COG2: variants seen among roughly 807,000 people sequenced by gnomAD.
The protein encoded by COG2 is component of oligomeric golgi complex 2, also known as conserved oligomeric Golgi complex subunit 2.
In COG2, 52 loss-of-function variants were observed where a neutral mutation model predicts 90.6. That is an observed-to-expected ratio of 0.57 (90% CI 0.46 to 0.72). The LOEUF (loss-of-function observed/expected upper bound fraction) is 0.72, where lower values mean the gene tolerates loss of function less well. Among genes scored for constraint, COG2 ranks in the 30% least tolerant of loss-of-function variants. COG2 has a pLI of 0.00. For missense variants in COG2, 829 were observed against 891.2 expected, an observed-to-expected ratio of 0.93 and a Z score of 0.89; for synonymous variants, 337 against 320.4, an observed-to-expected ratio of 1.05 and a Z score of -0.55.
At chr1:230,667,091 A>G (rs754999507) in intron 5 of COG2, among the ~76,000 whole-genome samples, 1 of 152,134 alleles carries the variant, frequency 6.6e-6, no homozygotes, top group African/African-American at 2.4e-5. Flanking sequence ...TAGACAACTT[A>G]ACGGTGAGAC....
At chr1:230,642,702 G>T (rs1439887808) in intron 1 of COG2, 24 bp downstream of exon 1, 2 of 1,606,220 alleles carry the variant, frequency 1.2e-6, no homozygotes, top group Non-Finnish European at 1.7e-6. Flanking sequence ...CCGCTCCCCG[G>T]AGCCGGGCCA....
intron 9 of COG2, chr1:230,678,596 A>G (rs1035153712): frequency 1.6e-6 from 2 of 1,273,040 alleles, no homozygotes; most frequent in African/African-American, 3.1e-5. Flanking sequence ...TCTGCTGTCA[A>G]TTCTAATTCC....
In COG2 at chr1:230,689,999, CCAT is replaced by C. The variant is rs1460545004; in HGVS notation, c.1795-8_1795-6del. On this transcript the variant is annotated splice_polypyrimidine_tract_variant and intron_variant, in intron 15 of 17. Coordinates refer to ENST00000366669, the MANE Select transcript of COG2 (RefSeq NM_007357.3). ...TTTTCCTGTGCATCTTTATCTCCTA[CCAT>C]CATCATTCCAGGAGGTCCCAACCAC... The C allele has an allele frequency of 6.4e-7, 1 of 1,570,100 alleles. No homozygotes were observed. The highest frequency in any genetic ancestry group is 2.3e-5 in the East Asian group (1 of 43,092).
chr1:230,644,175 G>A lies in COG2; in HGVS notation c.72+1497G>A, dbSNP rs75149909. ...TAAAATAGAACTTAGAGTGCAAACT[G>A]GGGTGGTGGCTGGAATGCCAGCAAT... is the stretch of plus-strand genomic sequence containing the variant. On this transcript the variant is annotated intron_variant, in intron 1 of 17. Transcript: ENST00000366669. 8.5e-3 allele frequency among the ~76,000 whole-genome samples: 1,300 copies of A among 152,306 alleles called. 13 individuals carry two copies. Among genetic ancestry groups the A allele is most frequent in the African/African-American group, 0.027 (1,140 of 41,562 alleles).
intron 11 of COG2, chr1:230,684,376 A>G (rs1662834598): frequency 6.6e-6 from 1 of 152,468 alleles, no homozygotes; most frequent in Admixed American, 6.5e-5. Flanking sequence ...CAGCTGGAGC[A>G]TGCATCCTGG....
chr1:230,652,586 ACT>A (rs1374713232), intron 1 of COG2, among the ~76,000 whole-genome samples: 9 of 152,210 alleles, frequency 5.9e-5, no homozygotes, highest in Non-Finnish European at 7.4e-5. Context: ...AATTGGCAAG[ACT>A]CTGTTTAGTT....
rs959114849 is a variant in COG2 at position 230,668,588 on chromosome 1, G to A, written c.486-88G>A. On this transcript the variant is annotated intron_variant, in intron 5 of 17. Coordinates refer to ENST00000366669, the MANE Select transcript of COG2 (RefSeq NM_007357.3). Reference sequence around the variant, plus strand: ...ACAAAAGTCAAAATACAGTGGGTATGAAAGTCTCTCACTGCCAGGCGTGTG... The same window carrying A: ...ACAAAAGTCAAAATACAGTGGGTATAAAAGTCTCTCACTGCCAGGCGTGTG... 2.9e-5 allele frequency: 22 copies of A among 757,548 alleles called. No individual in the cohort carries two copies. In the Admixed American group the frequency reaches 3.8e-4, roughly 13 times the overall value. 46.9% of individuals were successfully genotyped at this position (757,548 alleles called of 1,614,324 possible).
intron 16 of COG2, among the ~76,000 whole-genome samples, chr1:230,690,824 G>GT (rs1663007292): frequency 6.6e-6 from 1 of 152,156 alleles, no homozygotes; most frequent in Non-Finnish European, 1.5e-5. Flanking sequence ...GTGGGCAAAT[G>GT]TATTTCAGAT....
At chr1:230,666,193 C>T (rs992833674) in intron 5 of COG2, among the ~76,000 whole-genome samples, 3 of 152,204 alleles carry the variant, frequency 2.0e-5, no homozygotes, top group African/African-American at 7.2e-5. Flanking sequence ...CCCTGCCTCT[C>T]TCCACCAGCA....
chr1:230,687,990 A>C, intron 13 of COG2, 81 bp from the exon 14 acceptor site: 1 of 897,840 alleles, frequency 1.1e-6, no homozygotes, highest in Non-Finnish European at 1.7e-6. Context: ...CAAATTCTAG[A>C]GTTTGTAGAT....
intron 16 of COG2, among the ~76,000 whole-genome samples, chr1:230,690,897 A>G (rs1455410025): frequency 1.3e-5 from 2 of 152,222 alleles, no homozygotes; most frequent in East Asian, 3.8e-4. Context: ...TGAAAATTAT[A>G]TTGCAAGTAT....
At chr1:230,662,773 A>T (rs1424939210) in intron 3 of COG2, among the ~76,000 whole-genome samples, 1 of 151,934 alleles carries the variant, frequency 6.6e-6, no homozygotes, top group African/African-American at 2.4e-5. Context: ...TTGTCTTCTG[A>T]TAATCTTTTC....
chr1:230,675,950 A>G (rs972603687), intron 9 of COG2, among the ~76,000 whole-genome samples: 11 of 150,616 alleles, frequency 7.3e-5, no homozygotes, highest in Admixed American at 3.3e-4. Context: ...GTCCAGCCCT[A>G]TTCCACCCCT....
At position 230,678,459 on chromosome 1, in the gene COG2, T is replaced by C. The variant is rs566332918; in HGVS notation, c.1027-454T>C. ...TGGTACATCTCCCTGTCAGTTTTCA[T>C]GCTATCTTATTTATAAAAATGAAGT... On this transcript the variant is annotated intron_variant, in intron 9 of 17. Coordinates refer to ENST00000366669, the MANE Select transcript of COG2 (RefSeq NM_007357.3). The C allele has an allele frequency of 4.0e-5, 39 of 985,334 alleles. No homozygotes were observed. The African/African-American group carries it at 6.1e-4, about 15-fold the overall frequency. 61.0% of individuals were successfully genotyped at this position (985,334 alleles called of 1,614,324 possible).
Position 230,668,800 on chromosome 1 carries a change from G to T in COG2, c.594+16G>T. Reference sequence around the variant, plus strand: ...AGTAAGACCGGTAAGTGTTGTTTTGGATTTCCACAGTTTGGTGTTTAGGGA... The same window carrying T: ...AGTAAGACCGGTAAGTGTTGTTTTGTATTTCCACAGTTTGGTGTTTAGGGA... On this transcript the variant is annotated intron_variant, in intron 6 of 17. Coordinates refer to ENST00000366669, the MANE Select transcript of COG2 (RefSeq NM_007357.3). The T allele has an allele frequency of 6.7e-7, 1 of 1,496,310 alleles. No individual in the cohort carries two copies. Among genetic ancestry groups the T allele is most frequent in the Non-Finnish European group, 9.2e-7 (1 of 1,083,254 alleles). The allele number at this position is 1,496,310 out of a possible 1,614,324, so 92.7% of individuals were successfully genotyped here.
rs1365838189 is a variant in COG2, at chr1:230,652,489, C to A, written c.73-6975C>A. On this transcript the variant is annotated intron_variant, in intron 1 of 17. Coordinates refer to ENST00000366669, the MANE Select transcript of COG2 (RefSeq NM_007357.3). ...AATCATATTTGCTTCCAAGTTTTGG[C>A]AGTTAGAATAAGGCTGCTATAAACA... 2.0e-5 allele frequency among the ~76,000 whole-genome samples: 3 copies of A among 152,156 alleles called. No homozygotes were observed. The South Asian group carries it at 6.2e-4, about 32-fold the overall frequency.
chr1:230,689,676 T>C (rs1383198748), intron 15 of COG2, among the ~76,000 whole-genome samples: 1 of 152,196 alleles, frequency 6.6e-6, no homozygotes, highest in African/African-American at 2.4e-5. Flanking sequence ...AATTAGAACC[T>C]GAGTTTTACG....
chr1:230,672,186 TC>T (rs1157711904), intron 8 of COG2, among the ~76,000 whole-genome samples: 1 of 152,152 alleles, frequency 6.6e-6, no homozygotes, highest in Non-Finnish European at 1.5e-5. Flanking sequence ...TTCCAGTCTC[TC>T]CCTCTCTAGT....
chr1:230,660,997 G>A, intron 3 of COG2, 174 bp downstream of exon 3: 2 of 426,850 alleles, frequency 4.7e-6, no homozygotes, highest in Admixed American at 4.5e-5. Flanking sequence ...TTTTTTGCGT[G>A]TGATACTATA....
Sources: gnomAD v4.1 joint callset for allele counts (sites outside exome capture counted in the v4.1 genomes callset) on GRCh38, gnomAD v4.1.1 for gene constraint, MANE v1.5 for transcripts, NCBI Gene and HGNC (gene_info 2026-07-23, HGNC 2026-07-21) for gene names.